Variants in CACNA1E observed in about 807,000 individuals in gnomAD.
CACNA1E encodes calcium voltage-gated channel subunit alpha1 E, also known as voltage-dependent R-type calcium channel subunit alpha-1E.
Under a neutral mutation model 259.2 loss-of-function variants are expected in CACNA1E, and 40 were observed. That is an observed-to-expected ratio of 0.15 (90% CI 0.12 to 0.20). CACNA1E has a LOEUF of 0.20. CACNA1E is among the 10% of genes least tolerant of loss of function. CACNA1E has a pLI of 1.00. For missense variants in CACNA1E, 1,874 were observed against 3,040.1 expected, an observed-to-expected ratio of 0.62 and a Z score of 9.02; for synonymous variants, 1,104 against 1,138.5, an observed-to-expected ratio of 0.97 and a Z score of 0.61.
Position 181,796,693 on chromosome 1 carries a change from A to AG in CACNA1E, c.6239dup (p.Arg2081GlnfsTer16). ...GCCACAAGTCTGACACTCACCGCTC[A>AG]GGGGGCAGGGAGCGGGGACGATCAA... is the stretch of plus-strand genomic sequence containing the variant. On this transcript the variant is annotated frameshift_variant, in exon 47 of 48. Transcript: ENST00000367573. LOFTEE classifies it high-confidence loss of function. 6.2e-7 allele frequency: 1 copy of AG among 1,605,438 alleles called. No homozygotes were observed. The highest frequency in any genetic ancestry group is 8.5e-7 in the Non-Finnish European group (1 of 1,174,100).
intron 46 of CACNA1E, among the ~76,000 whole-genome samples, chr1:181,796,368 G>A (rs576585335): frequency 2.0e-4 from 30 of 152,284 alleles, no homozygotes; most frequent in Non-Finnish European, 3.1e-4. Context: ...GCAGATCCCT[G>A]TCTTCTTTCT....
rs865779240 is a variant in CACNA1E, at chr1:181,441,460, C to T, written c.434+27880C>T. ...CCACCGCACCTGGCCCAATTCACTG[C>T]TTTTAACATTTGTTGATGCCAAGAA... On this transcript the variant is annotated intron_variant, in intron 2 of 11. Coordinates refer to the CACNA1E transcript ENST00000524607. 5.3e-5 allele frequency among the ~76,000 whole-genome samples: 8 copies of T among 152,336 alleles called. No homozygotes were observed. The South Asian group carries it at 1.7e-3, about 32-fold the overall frequency.
chr1:181,720,963 C>T (rs1654364052), intron 15 of CACNA1E, 108 bp downstream of exon 15: 1 of 736,560 alleles, frequency 1.4e-6, no homozygotes, highest in African/African-American at 1.8e-5. Flanking sequence ...TTCCAGGCTC[C>T]TCCCAGGGGA....
chr1:181,663,758 A>G (rs1186351203), intron 7 of CACNA1E, among the ~76,000 whole-genome samples: 1 of 152,208 alleles, frequency 6.6e-6, no homozygotes. Flanking sequence ...AGTAATTATG[A>G]TAGGTTGGAC....
At chr1:181,521,218 T>C (rs570757032) in intron 3 of CACNA1E, among the ~76,000 whole-genome samples, 4 of 152,270 alleles carry the variant, frequency 2.6e-5, no homozygotes, top group African/African-American at 7.2e-5. Context: ...GTCAGATGCA[T>C]TGGAAACAAT....
At chr1:181,554,332 A>G (rs112407325) in intron 3 of CACNA1E, among the ~76,000 whole-genome samples, 2,601 of 152,242 alleles carry the variant, frequency 0.017, 64 homozygotes, top group African/African-American at 0.056. Flanking sequence ...GTTGTTATTC[A>G]GTAATCCATA....
At chr1:181,489,408 G>C (rs1664123689) in intron 1 of CACNA1E, among the ~76,000 whole-genome samples, 1 of 152,168 alleles carries the variant, frequency 6.6e-6, no homozygotes, top group African/African-American at 2.4e-5. Flanking sequence ...TCTTGGGTAG[G>C]ATTATTAAGG....
At chr1:181,378,160 C>T (rs1655226592) in intron 1 of CACNA1E, among the ~76,000 whole-genome samples, 1 of 152,136 alleles carries the variant, frequency 6.6e-6, no homozygotes, top group Non-Finnish European at 1.5e-5. Flanking sequence ...CTGATCCTTC[C>T]TTCAATTTTC....
chr1:181,583,907 G>A (rs1651800701), intron 6 of CACNA1E, among the ~76,000 whole-genome samples: 1 of 152,104 alleles, frequency 6.6e-6, no homozygotes. Flanking sequence ...TCCTCGACTT[G>A]CAAACTCTCT....
At chr1:181,487,495 A>T (rs563154626) in intron 1 of CACNA1E, among the ~76,000 whole-genome samples, 1 of 152,296 alleles carries the variant, frequency 6.6e-6, no homozygotes, top group African/African-American at 2.4e-5. Context: ...CTGCATAGGG[A>T]GATAATTTTA....
intron 2 of CACNA1E, among the ~76,000 whole-genome samples, chr1:181,452,480 C>T (rs1339964804): frequency 6.6e-6 from 1 of 152,160 alleles, no homozygotes; most frequent in African/African-American, 2.4e-5. Flanking sequence ...TGGAGCCCTT[C>T]AGGGATGCCT....
intron 7 of CACNA1E, among the ~76,000 whole-genome samples, chr1:181,686,222 C>G (rs1250277905): frequency 6.8e-6 from 1 of 147,494 alleles, no homozygotes; most frequent in African/African-American, 2.5e-5. Context: ...AAGCTATTGT[C>G]ATCATTCCTC....
chr1:181,510,607 C>T lies in CACNA1E; in HGVS notation c.372+25C>T, dbSNP rs770212929. ...GGTATGTGATTCCCCTCCTTCTCCC[C>T]TTTGCCCCTTTTGTCTTTCTTGGTT... On this transcript the variant is annotated intron_variant, in intron 2 of 47. Transcript: ENST00000367573. 4.2e-6 allele frequency: 6 copies of T among 1,437,060 alleles called. No homozygotes were observed. In the East Asian group the frequency reaches 1.4e-4, roughly 33 times the overall value. The allele number at this position is 1,437,060 out of a possible 1,614,324, so 89.0% of individuals were successfully genotyped here. A position where few individuals can be genotyped will look rare whatever the true frequency, so the allele number is the denominator to read the frequency against.
chr1:181,795,987 C>T (rs1018683668), intron 46 of CACNA1E, among the ~76,000 whole-genome samples: 6 of 151,914 alleles, frequency 3.9e-5, no homozygotes, highest in Non-Finnish European at 7.4e-5. Flanking sequence ...TAATTCCCTT[C>T]TGCTGGTGCC....
In CACNA1E at chr1:181,776,379, G is replaced by GA. The variant is rs1659977416; in HGVS notation, c.5267+151_5267+152insA. On this transcript the variant is annotated intron_variant, in intron 38 of 47. Coordinates refer to ENST00000367573, the MANE Select transcript of CACNA1E (RefSeq NM_001205293.3). This position sits in a 1 kb window ranked among gnomAD's most constrained non-coding sequence, Gnocchi z 4.4. ...GATTGTGGCCCATAGAAGAGGCTCT[G>GA]GTATCAAGCCAGTCACCAAGGACTT... 1 of 729,078 alleles carries GA rather than the reference G, an allele frequency of 1.4e-6. No homozygotes were observed. The allele number at this position is 729,078 out of a possible 1,614,324, so 45.2% of individuals were successfully genotyped here.
intron 41 of CACNA1E, 126 bp from the exon 42 acceptor site, chr1:181,785,192 C>A: frequency 1.5e-6 from 1 of 677,552 alleles, no homozygotes; most frequent in Middle Eastern, 2.5e-4. Flanking sequence ...CCTCAATATA[C>A]ATTGGATGAA....
intron 1 of CACNA1E, among the ~76,000 whole-genome samples, chr1:181,375,272 G>A (rs915962765): frequency 1.3e-5 from 2 of 152,172 alleles, no homozygotes; most frequent in Non-Finnish European, 2.9e-5. Context: ...ACAACTTGAT[G>A]GGAATTTGTT....
intron 2 of CACNA1E, among the ~76,000 whole-genome samples, chr1:181,450,453 T>A (rs1160279993): frequency 2.6e-5 from 4 of 151,976 alleles, no homozygotes; most frequent in African/African-American, 9.7e-5. Flanking sequence ...TGTATGTGTG[T>A]GTGTGTGTTT....
At chr1:181,640,608 G>A (rs1319001209) in intron 6 of CACNA1E, among the ~76,000 whole-genome samples, 1 of 152,208 alleles carries the variant, frequency 6.6e-6, no homozygotes, top group Non-Finnish European at 1.5e-5. Context: ...ATTCATTGAG[G>A]AGGGAAGAAT....
Sources: gnomAD v4.1 joint callset for allele counts (sites outside exome capture counted in the v4.1 genomes callset) on GRCh38, gnomAD v4.1.1 for gene constraint, Gnocchi (gnomAD v3.1) non-coding constraint, MANE v1.5 for transcripts, NCBI Gene and HGNC (gene_info 2026-07-23, HGNC 2026-07-21) for gene names.